The following STRN variants were observed in gnomAD, a reference collection of about 807,000 sequenced individuals.
STRN encodes striatin, also known as protein phosphatase 2 regulatory subunit B'''alpha.
STRN carries 53 observed loss-of-function variants against 96.3 expected under a neutral mutation model. The observed-to-expected ratio is 0.55, with a 90% CI of 0.44 to 0.69. STRN has a LOEUF of 0.69. STRN is among the 30% of genes least tolerant of loss of function. The pLI is 0.00. For synonymous variants in STRN, 428 were observed against 355.9 expected, an observed-to-expected ratio of 1.20 and a Z score of -2.28; for missense variants, 987 against 963.9, an observed-to-expected ratio of 1.02 and a Z score of -0.32.
In STRN at chr2:36,844,098, A is replaced by G. The variant is rs1668009133; in HGVS notation, c.*5358T>C. 2 of 152,140 alleles carry G rather than the reference A, an allele frequency of 1.3e-5. No individual in the cohort carries two copies. Among genetic ancestry groups the G allele is most frequent in the South Asian group, 4.1e-4 (2 of 4,828 alleles). The allele number at this position is 152,140 out of a possible 1,614,324, so 9.4% of individuals were successfully genotyped here. A position where few individuals can be genotyped will look rare whatever the true frequency, so the allele number is the denominator to read the frequency against. On this transcript the variant is annotated 3_prime_UTR_variant, in exon 18 of 18. Coordinates refer to ENST00000263918, the MANE Select transcript of STRN (RefSeq NM_003162.4). ...TAGTCAACTGAACTTGAGAAAACAT[A>G]AAGTAACCAGCAGATTTCAATATTA...
At chr2:36,933,838 G>A (rs968192631) in intron 1 of STRN, among the ~76,000 whole-genome samples, 1 of 152,178 alleles carries the variant, frequency 6.6e-6, no homozygotes, top group African/African-American at 2.4e-5. Context: ...GGCTGGGCAC[G>A]GTGGCTTAAC....
chr2:36,915,639 C>T (rs948646204), intron 3 of STRN, among the ~76,000 whole-genome samples: 2 of 152,132 alleles, frequency 1.3e-5, no homozygotes, highest in African/African-American at 4.8e-5. Context: ...CACCTGAAAC[C>T]GAAGAATTAT....
intron 3 of STRN, among the ~76,000 whole-genome samples, chr2:36,913,596 G>A (rs904753834): frequency 2.0e-5 from 3 of 152,156 alleles, no homozygotes; most frequent in Non-Finnish European, 4.4e-5. Context: ...ATATGTCATT[G>A]TAATCACTTC....
intron 12 of STRN, among the ~76,000 whole-genome samples, chr2:36,861,739 A>G (rs1242084514): frequency 1.7e-3 from 227 of 132,274 alleles, no homozygotes; most frequent in African/African-American, 6.0e-3. Context: ...GAGCACACAC[A>G]CACACACACA....
intron 6 of STRN, among the ~76,000 whole-genome samples, chr2:36,898,825 A>G (rs1338756919): frequency 6.6e-6 from 1 of 152,198 alleles, no homozygotes; most frequent in African/African-American, 2.4e-5. Context: ...AAAGTGAAAC[A>G]TGTCCTCATA....
At chr2:36,874,420 T>A in intron 10 of STRN, among the ~76,000 whole-genome samples, 1 of 151,238 alleles carries the variant, frequency 6.6e-6, no homozygotes, top group African/African-American at 2.4e-5. Flanking sequence ...AGGAAGAAGG[T>A]ATAACACACA....
Position 36,879,417 on chromosome 2 carries a change from C to A in STRN, c.1187-1390G>T, listed in dbSNP as rs192737011. On this transcript the variant is annotated intron_variant, in intron 9 of 17. Transcript: ENST00000263918. ...TTTGAACACTTTCATTAGCTGTGAACTGTGCTTCAAAGATGTCAGTTTTAC... is the reference window on the plus strand; with the variant it reads ...TTTGAACACTTTCATTAGCTGTGAAATGTGCTTCAAAGATGTCAGTTTTAC... Among the ~76,000 whole-genome samples, 12 of 152,322 alleles carry A rather than the reference C, an allele frequency of 7.9e-5. No homozygotes were observed. The East Asian group carries it at 2.3e-3, about 29-fold the overall frequency.
chr2:36,903,302 T>G (rs1160011352), intron 4 of STRN, among the ~76,000 whole-genome samples: 1 of 152,238 alleles, frequency 6.6e-6, no homozygotes, highest in African/African-American at 2.4e-5. Flanking sequence ...CACATGTGTG[T>G]GTATGTTACT....
intron 1 of STRN, among the ~76,000 whole-genome samples, chr2:36,945,699 T>A (rs901467792): frequency 5.9e-5 from 9 of 151,694 alleles, no homozygotes; most frequent in African/African-American, 2.2e-4. Context: ...AAATCCTAAA[T>A]AAAATATTAA....
chr2:36,902,494 C>T, intron 5 of STRN, 90 bp downstream of exon 5: 7 of 961,348 alleles, frequency 7.3e-6, no homozygotes, highest in Non-Finnish European at 1.0e-5. Context: ...TTCTATGTCA[C>T]TACCTAAAAG....
intron 3 of STRN, among the ~76,000 whole-genome samples, chr2:36,909,729 C>A (rs150844933): frequency 1.7e-3 from 264 of 152,136 alleles, no homozygotes; most frequent in African/African-American, 6.1e-3. Context: ...GCTAACTACA[C>A]CAGGGCATAT....
At chr2:36,926,133 A>G (rs998657018) in intron 1 of STRN, among the ~76,000 whole-genome samples, 3 of 152,144 alleles carry the variant, frequency 2.0e-5, no homozygotes, top group African/African-American at 7.2e-5. Context: ...CCCCCACCCC[A>G]AGGAATTACT....
chr2:36,937,648 T>C lies in STRN; in HGVS notation c.235-12440A>G, dbSNP rs1341619628. The stretch of plus-strand genomic sequence containing the variant: ...ATGTTTGTACAACTGCACTTCAACC[T>C]GGGCTACAGAGTGAAATCTTGCCTT... On this transcript the variant is annotated intron_variant, in intron 1 of 17. Transcript: ENST00000263918. Among the ~76,000 whole-genome samples the C allele has an allele frequency of 3.4e-5, 5 of 149,166 alleles. No individual in the cohort carries two copies. The Admixed American group carries it at 3.4e-4, about 10-fold the overall frequency.
At chr2:36,945,433 C>T (rs1572693609) in intron 1 of STRN, among the ~76,000 whole-genome samples, 2 of 152,160 alleles carry the variant, frequency 1.3e-5, no homozygotes, top group African/African-American at 2.4e-5. Flanking sequence ...TTTGGGAGGC[C>T]GCGGCAGGCG....
chr2:36,861,401 G>T, intron 12 of STRN, 148 bp from the exon 13 acceptor site: 2 of 1,096,814 alleles, frequency 1.8e-6, no homozygotes, highest in Non-Finnish European at 2.5e-6. Flanking sequence ...TCAAAGCACT[G>T]TTCATTTTTC....
chr2:36,963,492 G>A (rs1000748883), intron 1 of STRN, among the ~76,000 whole-genome samples: 8 of 152,086 alleles, frequency 5.3e-5, no homozygotes, highest in Admixed American at 3.3e-4. Context: ...ATGTAACGAT[G>A]GTAATAATTT....
chr2:36,916,146 T>C lies in STRN; in HGVS notation c.344A>G (p.Lys115Arg), dbSNP rs766116642. ...LEYALKQERA[K>R]YHKLKYGTEL... is the part of the protein sequence containing the mutation. ...TGTCCCGTATTTCAACTTGTGGTAT[T>C]TGGCTCTAACAAAGAAATGAGAAAA... is the stretch of plus-strand genomic sequence containing the variant. The change falls in exon 3 of 18, where the codon AAA (lysine) becomes AGA (arginine). Residue 115 changes from lysine (K) to arginine (R), a missense_variant. Physicochemically the swap from Lys to Arg is conservative, Grantham distance 26. Transcript: ENST00000263918. 9.9e-6 allele frequency: 16 copies of C among 1,612,932 alleles called. No individual in the cohort carries two copies. The highest frequency in any genetic ancestry group is 1.3e-5 in the Non-Finnish European group (15 of 1,179,228).
rs148798310 is a variant in STRN, at chr2:36,847,276, T to C, written c.*2180A>G. 44 of 152,272 alleles carry C rather than the reference T, an allele frequency of 2.9e-4. No homozygotes were observed. The highest frequency in any genetic ancestry group is 1.0e-3 in the African/African-American group (42 of 41,562). The allele number at this position is 152,272 out of a possible 1,614,324, so 9.4% of individuals were successfully genotyped here. ...GAAGAATGTCCTGGTTTTTAGAATT[T>C]CAGTGACATTAATAAAGCAGTAACT... On this transcript the variant is annotated 3_prime_UTR_variant, in exon 18 of 18. Transcript: ENST00000263918.
At chr2:36,887,794 TAATC>T (rs909765163) in intron 7 of STRN, among the ~76,000 whole-genome samples, 22 of 152,210 alleles carry the variant, frequency 1.4e-4, no homozygotes, top group African/African-American at 5.1e-4. Context: ...AGAAAATCAA[TAATC>T]AATTGTCACT....
Sources: allele counts gnomAD v4.1 joint callset (sites outside exome capture counted in the v4.1 genomes callset), GRCh38; gene constraint gnomAD v4.1.1; transcripts MANE v1.5; gene names NCBI Gene and HGNC (gene_info 2026-07-23, HGNC 2026-07-21).